ASPA: variants seen among roughly 807,000 people sequenced by gnomAD.
ASPA encodes aspartoacylase.
Under a neutral mutation model 29.6 loss-of-function variants are expected in ASPA, and 25 were observed. The ratio of observed to expected loss-of-function variants is 0.85; its 90% CI spans 0.62 to 1.18. ASPA has a LOEUF of 1.18. ASPA is among the 50% of genes most tolerant of loss of function. The pLI is 0.00. For missense variants in ASPA, 333 were observed against 385.7 expected (o/e 0.86, Z 1.14); for synonymous variants, 131 against 130.3 (o/e 1.01, Z -0.04).
rs2073771297 is a variant in ASPA at position 3,488,786 on chromosome 17, T to C, written c.527-449T>C. On this transcript the variant is annotated intron_variant, in intron 3 of 5. Coordinates refer to ENST00000263080, the MANE Select transcript of ASPA (RefSeq NM_000049.4). The surrounding 1 kb of genome is among the most constrained non-coding windows in gnomAD (Gnocchi z 6.1). ...ACTGAAATCCATGATTCATCTAGTC[T>C]GGATTTCTGTGAAATCTATAAAAAT... 6.6e-6 allele frequency among the ~76,000 whole-genome samples: 1 copy of C among 152,262 alleles called. No homozygotes were observed. The highest frequency in any genetic ancestry group is 1.5e-5 in the Non-Finnish European group (1 of 68,050).
At chr17:3,481,579 T>C (rs1318455812) in intron 1 of ASPA, 24 bp from the exon 2 acceptor site, 4 of 1,600,944 alleles carry the variant, frequency 2.5e-6, no homozygotes, top group Non-Finnish European at 8.5e-7. Context: ...ATGTTGTTCA[T>C]CTTTTTCTTT....
chr17:3,482,505 C>T (rs1177930380), intron 2 of ASPA, among the ~76,000 whole-genome samples: 2 of 150,956 alleles, frequency 1.3e-5, no homozygotes, highest in Non-Finnish European at 3.0e-5. Context: ...AGAGTGTGGC[C>T]TGTGCTCAGA....
In ASPA at chr17:3,499,394, A is replaced by G. The variant is rs552125645; in HGVS notation, c.*306A>G. On this transcript the variant is annotated 3_prime_UTR_variant, in exon 6 of 6. Coordinates refer to ENST00000263080, the MANE Select transcript of ASPA (RefSeq NM_000049.4). The stretch of plus-strand genomic sequence containing the variant: ...TTCAGAATATAAAATTGAAATAGAT[A>G]TATATAAAGTTATTTGTTTTATTGT... The G allele has an allele frequency of 4.9e-6, 1 of 204,664 alleles. No homozygotes were observed. The highest frequency in any genetic ancestry group is 1.4e-4 in the South Asian group (1 of 7,328). 12.7% of individuals were successfully genotyped at this position (204,664 alleles called of 1,614,324 possible). A position where few individuals can be genotyped will look rare whatever the true frequency, so the allele number is the denominator to read the frequency against.
rs1207726373 is a variant in ASPA at position 3,485,145 on chromosome 17, A to G, written c.526+1553A>G. Reference sequence around the variant, plus strand: ...GCAATCCTCCCATCTCAGCCTCCCAAGTAGCTTGAACTACAGGCACGTGCC... The same window carrying G: ...GCAATCCTCCCATCTCAGCCTCCCAGGTAGCTTGAACTACAGGCACGTGCC... On this transcript the variant is annotated intron_variant, in intron 3 of 5. Coordinates refer to ENST00000263080, the MANE Select transcript of ASPA (RefSeq NM_000049.4). This position sits in a 1 kb window ranked among gnomAD's most constrained non-coding sequence, Gnocchi z 4.4. Among the ~76,000 whole-genome samples the G allele has an allele frequency of 6.6e-6, 1 of 152,104 alleles. No homozygotes were observed. Among genetic ancestry groups the G allele is most frequent in the Non-Finnish European group, 1.5e-5 (1 of 68,018 alleles).
intron 1 of ASPA, among the ~76,000 whole-genome samples, chr17:3,479,482 A>G (rs190042793): frequency 3.5e-4 from 54 of 152,324 alleles, no homozygotes; most frequent in African/African-American, 1.1e-3. Context: ...TTCACAAATA[A>G]TAAGTCCAGA....
At chr17:3,498,256 T>C (rs114460326) in intron 5 of ASPA, among the ~76,000 whole-genome samples, 88 of 152,372 alleles carry the variant, frequency 5.8e-4, no homozygotes, top group African/African-American at 2.0e-3. Context: ...AGGCAGACTA[T>C]GCACTTAGGT....
At chr17:3,498,559 C>A (rs910715151) in intron 5 of ASPA, among the ~76,000 whole-genome samples, 1 of 152,094 alleles carries the variant, frequency 6.6e-6, no homozygotes, top group Non-Finnish European at 1.5e-5. Flanking sequence ...GTTGCCCAGG[C>A]TGGTTTTGAA....
chr17:3,477,630 T>G (rs966645913), intron 1 of ASPA, among the ~76,000 whole-genome samples: 2 of 152,044 alleles, frequency 1.3e-5, no homozygotes, highest in African/African-American at 4.8e-5. Context: ...TTTTTTGTAT[T>G]TTTAGTAGAG....
In ASPA at chr17:3,476,197, A is replaced by C. The variant is rs775814453; in HGVS notation, c.38A>C (p.Lys13Thr). 3.7e-6 allele frequency: 6 copies of C among 1,614,086 alleles called. No individual in the cohort carries two copies. Among genetic ancestry groups the C allele is most frequent in the South Asian group, 3.3e-5 (3 of 91,082 alleles). Residue 13 changes from lysine (K) to threonine (T), a missense_variant, in exon 1 of 6, where the codon AAG becomes ACG. Physicochemically the swap from Lys to Thr is moderately conservative, Grantham distance 78 (BLOSUM62 -1). Transcript: ENST00000263080. ...SCHIAEEHIQKVAIFGGTHGN... is the reference protein window; with the variant it reads ...SCHIAEEHIQTVAIFGGTHGN... The stretch of plus-strand genomic sequence containing the variant: ...CACATTGCTGAAGAACATATACAAA[A>C]GGTTGCTATCTTTGGAGGAACCCAT...
intron 2 of ASPA, 59 bp from the exon 3 acceptor site, chr17:3,483,440 A>T (rs2073667934): frequency 7.0e-7 from 1 of 1,438,430 alleles, no homozygotes; most frequent in African/African-American, 1.4e-5. Flanking sequence ...ACTCTGTTGA[A>T]GCAAAGAGAA....
chr17:3,476,291 A>G lies in ASPA; in HGVS notation c.132A>G (p.Thr44=). 1.9e-6 allele frequency: 3 copies of G among 1,614,218 alleles called. No homozygotes were observed. Among genetic ancestry groups the G allele is most frequent in the Admixed American group, 1.7e-5 (1 of 60,032 alleles). Residue 44 remains threonine (T), a synonymous_variant, in exon 1 of 6, where the codon ACA becomes ACG. Transcript: ENST00000263080. ...WLENGAEIQR[T]GLEVKPFITN... ...AGAATGGCGCTGAGATTCAGAGAACAGGGCTGGAGGTAAAACCATTTATTA... is the reference window on the plus strand; with the variant it reads ...AGAATGGCGCTGAGATTCAGAGAACGGGGCTGGAGGTAAAACCATTTATTA...
chr17:3,480,861 T>G (rs1171984733), intron 1 of ASPA, among the ~76,000 whole-genome samples: 1 of 152,226 alleles, frequency 6.6e-6, no homozygotes, highest in East Asian at 1.9e-4. Context: ...TCAGGTTAGA[T>G]CTCTTTCATT....
At chr17:3,477,565 G>A (rs1171245790) in intron 1 of ASPA, among the ~76,000 whole-genome samples, 1 of 152,028 alleles carries the variant, frequency 6.6e-6, no homozygotes, top group East Asian at 1.9e-4. Flanking sequence ...TGATTCTCCT[G>A]CCTCAACCTC....
chr17:3,482,825 A>G (rs2073654452), intron 2 of ASPA, among the ~76,000 whole-genome samples: 1 of 122,792 alleles, frequency 8.1e-6, no homozygotes, highest in South Asian at 2.3e-4. Context: ...GTTTTAGGGT[A>G]CATGTGCACC....
chr17:3,476,459 G>A, intron 1 of ASPA, 64 bp downstream of exon 1: 1 of 1,426,258 alleles, frequency 7.0e-7, no homozygotes, highest in East Asian at 2.3e-5. Flanking sequence ...GTGTGTGAAA[G>A]AGAACACATA....
In ASPA at chr17:3,483,973, A is replaced by G. The variant is rs183661250; in HGVS notation, c.526+381A>G. Among the ~76,000 whole-genome samples, 16 of 152,318 alleles carry G rather than the reference A, an allele frequency of 1.1e-4. No homozygotes were observed. In the East Asian group the frequency reaches 2.7e-3, roughly 26 times the overall value. On this transcript the variant is annotated intron_variant, in intron 3 of 5. Coordinates refer to ENST00000263080, the MANE Select transcript of ASPA (RefSeq NM_000049.4). ...GCCTGGCCGAGAAAATTATTTTTAAAAAAACATTTACAGCTACCTTCCATA... is the reference window on the plus strand; with the variant it reads ...GCCTGGCCGAGAAAATTATTTTTAAGAAAACATTTACAGCTACCTTCCATA...
At chr17:3,474,132 T>G (rs1261947234), upstream of ASPA, 1 of 152,196 alleles carries the variant, frequency 6.6e-6, no homozygotes, top group Non-Finnish European at 1.5e-5. Flanking sequence ...TTTTTCCTAA[T>G]AAAGCTTTCC....
At position 3,480,963 on chromosome 17, in the gene ASPA, TAAG is replaced by T. The variant is rs200109057; in HGVS notation, c.237-635_237-633del. ...AGCAAGACTGTATCTCCACAAAAGA[TAAG>T]AAGATTAGCTGGGCATGGTGGCACG... On this transcript the variant is annotated intron_variant, in intron 1 of 5. Coordinates refer to ENST00000263080, the MANE Select transcript of ASPA (RefSeq NM_000049.4). 7.2e-4 allele frequency among the ~76,000 whole-genome samples: 109 copies of T among 151,912 alleles called. 1 individual carries two copies. The highest frequency in any genetic ancestry group is 2.6e-3 in the African/African-American group (106 of 41,428).
At chr17:3,489,147 AT>A in intron 3 of ASPA, 87 bp from the exon 4 acceptor site, 1 of 842,036 alleles carries the variant, frequency 1.2e-6, no homozygotes. Context: ...TAACAACATA[AT>A]TCTAAATCTT....
Sources: gnomAD v4.1 joint callset for allele counts (sites outside exome capture counted in the v4.1 genomes callset) on GRCh38, gnomAD v4.1.1 for gene constraint, Gnocchi (gnomAD v3.1) non-coding constraint, MANE v1.5 for transcripts, NCBI Gene and HGNC (gene_info 2026-07-23, HGNC 2026-07-21) for gene names.